PKD2: variants seen among roughly 807,000 people sequenced by gnomAD.
PKD2 encodes the protein polycystin 2, transient receptor potential cation channel.
In PKD2, 48 loss-of-function variants were observed where a neutral mutation model predicts 105.9. The ratio of observed to expected loss-of-function variants is 0.45; its 90% CI spans 0.36 to 0.58. PKD2 has a LOEUF of 0.58. Among genes scored for constraint, PKD2 ranks in the 20% least tolerant of loss-of-function variants. PKD2 has a pLI of 0.00. For missense variants in PKD2, 1,078 were observed against 1,255.3 expected, an observed-to-expected ratio of 0.86 and a Z score of 2.13; for synonymous variants, 464 against 481.1, an observed-to-expected ratio of 0.96 and a Z score of 0.46.
intron 2 of PKD2, among the ~76,000 whole-genome samples, chr4:88,033,032 G>T (rs1488437762): frequency 6.6e-6 from 1 of 152,178 alleles, no homozygotes; most frequent in East Asian, 1.9e-4. Flanking sequence ...GGCTCTTGGT[G>T]TAGCTGACCA....
At chr4:88,033,640 T>C (rs1192856644) in intron 2 of PKD2, among the ~76,000 whole-genome samples, 2 of 152,066 alleles carry the variant, frequency 1.3e-5, no homozygotes, top group African/African-American at 4.8e-5. Context: ...AAATTTTCAA[T>C]TTACATACTT....
At position 88,045,131 on chromosome 4, in the gene PKD2, A is replaced by G. The variant is rs1417874471; in HGVS notation, c.1320-1511A>G. Among the ~76,000 whole-genome samples, 3 of 152,356 alleles carry G rather than the reference A, an allele frequency of 2.0e-5. No homozygotes were observed. The East Asian group carries it at 5.8e-4, about 29-fold the overall frequency. On this transcript the variant is annotated intron_variant, in intron 5 of 14. Transcript: ENST00000237596. ...TTCCTCCCTTACTTTAAGGATGAAC[A>G]TTGTTAAGACAACTGCTTCATTTCT...
In PKD2 at chr4:88,068,395, G is replaced by A. The variant is rs528793617; in HGVS notation, c.2522+334G>A. Among the ~76,000 whole-genome samples the A allele has an allele frequency of 8.9e-4, 136 of 152,068 alleles. 1 individual carries two copies. The highest frequency in any genetic ancestry group is 2.7e-3 in the African/African-American group (111 of 41,516). On this transcript the variant is annotated intron_variant, in intron 13 of 14. Coordinates refer to ENST00000237596, the MANE Select transcript of PKD2 (RefSeq NM_000297.4). ...TGAGGCAAGAGAATTGCTTGAACCCGGGAGGCGGAGGTTACAGAGAGCCGA... is the reference window on the plus strand; with the variant it reads ...TGAGGCAAGAGAATTGCTTGAACCCAGGAGGCGGAGGTTACAGAGAGCCGA...
chr4:88,008,119 C>T lies in PKD2; in HGVS notation c.386C>T (p.Ser129Leu). 4 of 1,503,616 alleles carry T rather than the reference C, an allele frequency of 2.7e-6. No individual in the cohort carries two copies. Among genetic ancestry groups the T allele is most frequent in the Non-Finnish European group, 3.5e-6 (4 of 1,131,140 alleles). The allele number at this position is 1,503,616 out of a possible 1,614,324, so 93.1% of individuals were successfully genotyped here. ...RPGSRRSAAS[S>L]AVSSVGARSR... ...GGCAGCCGGAGGTCGGCCGCCTCCT[C>T]GGCCGTGAGCTCCGTGGGCGCGCGG... The change falls in exon 1 of 15, where the codon TCG becomes TTG. Residue 129 changes from serine (S) to leucine (L), a missense_variant. By Grantham distance (145) the Ser-to-Leu change is moderately radical. Coordinates refer to ENST00000237596, the MANE Select transcript of PKD2 (RefSeq NM_000297.4).
intron 13 of PKD2, among the ~76,000 whole-genome samples, chr4:88,071,819 A>G (rs1295042658): frequency 6.6e-6 from 1 of 151,968 alleles, no homozygotes; most frequent in Non-Finnish European, 1.5e-5. Flanking sequence ...CCTCTTTGTT[A>G]TACCTCCTGC....
chr4:88,054,811 C>T (rs973170355), intron 7 of PKD2, among the ~76,000 whole-genome samples: 16 of 151,874 alleles, frequency 1.1e-4, no homozygotes, highest in Non-Finnish European at 1.5e-4. Flanking sequence ...GCTGCCACCA[C>T]GCCCGGCTAA....
intron 6 of PKD2, among the ~76,000 whole-genome samples, chr4:88,048,763 C>T (rs1264314051): frequency 1.3e-5 from 2 of 152,156 alleles, no homozygotes; most frequent in East Asian, 1.9e-4. Context: ...TCAAGGTAAA[C>T]CCTTGATCCC....
At chr4:88,024,711 C>T (rs1188981723) in intron 2 of PKD2, among the ~76,000 whole-genome samples, 2 of 151,646 alleles carry the variant, frequency 1.3e-5, no homozygotes, top group African/African-American at 4.8e-5. Context: ...AAGAAATAGA[C>T]AACATTAAAA....
intron 2 of PKD2, 50 bp from the exon 3 acceptor site, chr4:88,036,170 A>T (rs1727322553): frequency 1.2e-6 from 2 of 1,613,376 alleles, no homozygotes; most frequent in Non-Finnish European, 1.7e-6. Flanking sequence ...TGGTATGTGA[A>T]TGTGTGCCGG....
intron 4 of PKD2, among the ~76,000 whole-genome samples, chr4:88,040,763 T>C (rs1327139814): frequency 6.6e-6 from 1 of 152,194 alleles, no homozygotes; most frequent in East Asian, 1.9e-4. Context: ...CTCTACACTT[T>C]GGGTTCTTTT....
intron 10 of PKD2, 105 bp from the exon 11 acceptor site, chr4:88,065,269 A>G: frequency 3.1e-6 from 3 of 965,138 alleles, no homozygotes; most frequent in Non-Finnish European, 5.1e-6. Flanking sequence ...TTGAATGGCC[A>G]ATGTACACCA....
chr4:88,023,100 GAATAAATAAATAA>G (rs762182046), intron 2 of PKD2, among the ~76,000 whole-genome samples: 24 of 150,354 alleles, frequency 1.6e-4, no homozygotes, highest in African/African-American at 4.7e-4. Flanking sequence ...ATAAATAAAT[GAATAAATAAATAA>G]AATAAATAAA....
chr4:88,051,147 C>T (rs1204035488), intron 6 of PKD2, among the ~76,000 whole-genome samples: 1 of 152,036 alleles, frequency 6.6e-6, no homozygotes, highest in Non-Finnish European at 1.5e-5. Flanking sequence ...AGCTTAGAAC[C>T]AAAGCATATG....
At chr4:88,050,219 C>G (rs1013287255) in intron 6 of PKD2, among the ~76,000 whole-genome samples, 1 of 152,206 alleles carries the variant, frequency 6.6e-6, no homozygotes, top group East Asian at 1.9e-4. Flanking sequence ...CGTGATCCGC[C>G]CACCTCAGCC....
At chr4:88,029,032 G>A (rs1727051933) in intron 2 of PKD2, among the ~76,000 whole-genome samples, 1 of 152,100 alleles carries the variant, frequency 6.6e-6, no homozygotes, top group Admixed American at 6.5e-5. Flanking sequence ...AGATTTGGGG[G>A]TTTTAGTGAC....
chr4:88,065,981 C>T, intron 12 of PKD2, 102 bp downstream of exon 12: 1 of 770,312 alleles, frequency 1.3e-6, no homozygotes, highest in Non-Finnish European at 2.4e-6. Flanking sequence ...CTTGCCCATT[C>T]CCCACCACAC....
intron 2 of PKD2, among the ~76,000 whole-genome samples, chr4:88,026,991 C>T (rs181614184): frequency 6.6e-6 from 1 of 152,326 alleles, no homozygotes; most frequent in African/African-American, 2.4e-5. Context: ...ATGGAAACAC[C>T]TCGATGTCCA....
chr4:88,050,227 G>C (rs1000053943), intron 6 of PKD2, among the ~76,000 whole-genome samples: 8 of 152,040 alleles, frequency 5.3e-5, no homozygotes, highest in African/African-American at 1.9e-4. Context: ...GCCCACCTCA[G>C]CCTCCCAAAG....
intron 10 of PKD2, 66 bp from the exon 11 acceptor site, chr4:88,065,308 A>G: frequency 6.8e-7 from 1 of 1,462,580 alleles, no homozygotes; most frequent in Non-Finnish European, 9.6e-7. Context: ...CTGTGAATGG[A>G]AAGTAAAACA....
Sources: gnomAD v4.1 joint callset for allele counts (sites outside exome capture counted in the v4.1 genomes callset) on GRCh38, gnomAD v4.1.1 for gene constraint, MANE v1.5 for transcripts, NCBI Gene and HGNC (gene_info 2026-07-23, HGNC 2026-07-21) for gene names.